DDHD1: variants seen among roughly 807,000 people sequenced by gnomAD.
DDHD1 encodes phospholipase DDHD1.
DDHD1 carries 49 observed loss-of-function variants against 96.4 expected under a neutral mutation model. The ratio of observed to expected loss-of-function variants is 0.51; its 90% CI spans 0.40 to 0.64. The LOEUF is 0.64. DDHD1 is among the 30% of genes least tolerant of loss of function. DDHD1 has a pLI of 0.00. For synonymous variants in DDHD1, 442 were observed against 446.5 expected, an observed-to-expected ratio of 0.99 and a Z score of 0.13; for missense variants, 1,106 against 1,161.2, an observed-to-expected ratio of 0.95 and a Z score of 0.69.
Position 53,080,041 on chromosome 14 carries a change from T to G in DDHD1, c.1290-6194A>C, listed in dbSNP as rs527519161. On this transcript the variant is annotated intron_variant, in intron 4 of 12. Transcript: ENST00000673822. Reference sequence around the variant, plus strand: ...AAAGCATGTTGTCAAATTTTGAACTTTTGCTATTGCTAATCTGATAGTTAA... The same window carrying G: ...AAAGCATGTTGTCAAATTTTGAACTGTTGCTATTGCTAATCTGATAGTTAA... Among the ~76,000 whole-genome samples, 5 of 152,298 alleles carry G rather than the reference T, an allele frequency of 3.3e-5. No homozygotes were observed. The East Asian group carries it at 9.7e-4, about 29-fold the overall frequency.
intron 1 of DDHD1, among the ~76,000 whole-genome samples, chr14:53,118,992 G>C (rs939229385): frequency 6.6e-6 from 1 of 152,236 alleles, no homozygotes; most frequent in Non-Finnish European, 1.5e-5. Flanking sequence ...AGCCAGAAGA[G>C]AGTGGGGGCC....
chr14:53,080,875 G>C (rs1885415623), intron 4 of DDHD1, among the ~76,000 whole-genome samples: 2 of 151,998 alleles, frequency 1.3e-5, no homozygotes, highest in Admixed American at 1.3e-4. Context: ...AGGACTATAG[G>C]CATGTGCTAC....
At chr14:53,089,124 C>A (rs529848391) in intron 4 of DDHD1, among the ~76,000 whole-genome samples, 2 of 152,290 alleles carry the variant, frequency 1.3e-5, no homozygotes, top group South Asian at 2.1e-4. Flanking sequence ...TGAAGGACCT[C>A]TTCAAGGAGA....
intron 1 of DDHD1, among the ~76,000 whole-genome samples, chr14:53,105,573 G>A (rs2139732080): frequency 6.6e-6 from 1 of 152,092 alleles, no homozygotes; most frequent in East Asian, 1.9e-4. Flanking sequence ...GTTTTTGCCT[G>A]GATTCTACTT....
chr14:53,095,023 TCA>T (rs772929152), intron 2 of DDHD1, among the ~76,000 whole-genome samples: 3 of 152,300 alleles, frequency 2.0e-5, no homozygotes, highest in East Asian at 3.9e-4. Flanking sequence ...GAATGTCCTA[TCA>T]CAGTGTCTGG....
At chr14:53,133,623 C>T (rs909162880) in intron 1 of DDHD1, among the ~76,000 whole-genome samples, 2 of 152,142 alleles carry the variant, frequency 1.3e-5, no homozygotes, top group South Asian at 2.1e-4. Flanking sequence ...TCTCAGAATT[C>T]GGGCCTGTCC....
intron 1 of DDHD1, 119 bp from the exon 2 acceptor site, chr14:53,103,975 C>A: frequency 2.6e-6 from 2 of 763,200 alleles, no homozygotes; most frequent in East Asian, 2.9e-5. Flanking sequence ...TTTCATGACC[C>A]AATACAATCA....
At position 53,148,908 on chromosome 14, in the gene DDHD1, T is replaced by C. The variant is rs368473279; in HGVS notation, c.838+3353A>G. Among the ~76,000 whole-genome samples the C allele has an allele frequency of 1.1e-4, 16 of 152,310 alleles. No homozygotes were observed. The East Asian group carries it at 2.9e-3, about 28-fold the overall frequency. ...CAACCACTGTAATAAGGATGTTACA[T>C]ATAATAATCCTCAAAACAAGTCTAT... On this transcript the variant is annotated intron_variant, in intron 1 of 12. Transcript: ENST00000673822.
chr14:53,069,858 C>T (rs986103558), intron 6 of DDHD1, among the ~76,000 whole-genome samples: 9 of 152,102 alleles, frequency 5.9e-5, no homozygotes, highest in African/African-American at 2.2e-4. Context: ...GCTGATGAAT[C>T]TCAGTCACCA....
chr14:53,110,961 G>C (rs533952680), intron 1 of DDHD1, among the ~76,000 whole-genome samples: 9 of 152,270 alleles, frequency 5.9e-5, no homozygotes, highest in African/African-American at 2.2e-4. Flanking sequence ...CAGCCTAGGT[G>C]ACACAGCGAG....
Position 53,041,954 on chromosome 14 carries a change from T to C in DDHD1, c.*4814A>G, listed in dbSNP as rs1444573625. 6.6e-6 allele frequency: 1 copy of C among 152,088 alleles called. No individual in the cohort carries two copies. Among genetic ancestry groups the C allele is most frequent in the Non-Finnish European group, 1.5e-5 (1 of 68,024 alleles). 9.4% of individuals were successfully genotyped at this position (152,088 alleles called of 1,614,324 possible). A position where few individuals can be genotyped will look rare whatever the true frequency, so the allele number is the denominator to read the frequency against. ...TCTGCCCTTTAGGAGTAGTTTCCTA[T>C]CGATTAGGGGAAACAGTCTGGTATA... On this transcript the variant is annotated 3_prime_UTR_variant, in exon 13 of 13. Transcript: ENST00000673822.
chr14:53,127,524 T>C (rs1229282204), intron 1 of DDHD1, among the ~76,000 whole-genome samples: 1 of 152,244 alleles, frequency 6.6e-6, no homozygotes, highest in Non-Finnish European at 1.5e-5. Flanking sequence ...TGGAATATTG[T>C]TTGAAGTTTC....
chr14:53,134,624 T>C (rs1890100338), intron 1 of DDHD1, among the ~76,000 whole-genome samples: 1 of 149,886 alleles, frequency 6.7e-6, no homozygotes, highest in Non-Finnish European at 1.5e-5. Context: ...GAGCAGACTC[T>C]ATATTTTTAA....
intron 12 of DDHD1, among the ~76,000 whole-genome samples, chr14:53,050,889 G>T (rs560319280): frequency 6.6e-6 from 1 of 151,960 alleles, no homozygotes; most frequent in African/African-American, 2.4e-5. Context: ...AAATATGAAT[G>T]AATTAATTTT....
At chr14:53,102,892 A>C in intron 2 of DDHD1, 1 of 807,192 alleles carries the variant, frequency 1.2e-6, no homozygotes, top group Non-Finnish European at 1.9e-6. Flanking sequence ...AAAATCAATT[A>C]ATATTTTAAT....
chr14:53,094,632 G>A (rs1454087578), intron 2 of DDHD1, among the ~76,000 whole-genome samples: 1 of 151,942 alleles, frequency 6.6e-6, no homozygotes, highest in Non-Finnish European at 1.5e-5. Flanking sequence ...TGGAGCCCAG[G>A]AGTTTGATAG....
intron 1 of DDHD1, among the ~76,000 whole-genome samples, chr14:53,112,204 C>T (rs1888160741): frequency 6.6e-6 from 1 of 152,082 alleles, no homozygotes; most frequent in South Asian, 2.1e-4. Flanking sequence ...ATCATGAGGT[C>T]AAGAGATCGA....
At chr14:53,135,560 C>T (rs1242054286) in intron 1 of DDHD1, among the ~76,000 whole-genome samples, 1 of 152,232 alleles carries the variant, frequency 6.6e-6, no homozygotes, top group Non-Finnish European at 1.5e-5. Flanking sequence ...ACACACAACA[C>T]ATCTCAATTC....
In DDHD1 at chr14:53,153,157, C is replaced by T; in HGVS notation, c.-59G>A. 7.8e-7 allele frequency: 1 copy of T among 1,285,950 alleles called. No homozygotes were observed. Among genetic ancestry groups the T allele is most frequent in the South Asian group, 1.9e-5 (1 of 53,410 alleles). 79.7% of individuals were successfully genotyped at this position (1,285,950 alleles called of 1,614,324 possible). On this transcript the variant is annotated 5_prime_UTR_variant, in exon 1 of 13. Transcript: ENST00000673822. ...GCGGAGCCGTGACCCCCAGCGCTTC[C>T]GCCACACATTCAACGCCGCCGCCCT...
Sources: allele counts gnomAD v4.1 joint callset (sites outside exome capture counted in the v4.1 genomes callset), GRCh38; gene constraint gnomAD v4.1.1; transcripts MANE v1.5; gene names NCBI Gene and HGNC (gene_info 2026-07-23, HGNC 2026-07-21).